The following MKLN1 variants were observed in gnomAD, a reference collection of about 807,000 sequenced individuals.
MKLN1 encodes the protein muskelin 1, also known as muskelin.
A neutral mutation model predicts 99.0 loss-of-function variants in MKLN1; 18 were observed. The ratio of observed to expected loss-of-function variants is 0.18; its 90% CI spans 0.13 to 0.27. The LOEUF is 0.27. MKLN1 is among the 10% of genes least tolerant of loss of function. The pLI is 1.00. For synonymous variants in MKLN1, 288 were observed against 293.2 expected (o/e 0.98, Z 0.18); for missense variants, 621 against 875.9 (o/e 0.71, Z 3.67).
At chr7:131,339,874 A>G (rs973418038) in intron 1 of MKLN1, among the ~76,000 whole-genome samples, 2 of 152,098 alleles carry the variant, frequency 1.3e-5, no homozygotes, top group Non-Finnish European at 2.9e-5. Flanking sequence ...TGGTTTTGTA[A>G]ATGTTAGTAT....
intron 13 of MKLN1, among the ~76,000 whole-genome samples, chr7:131,463,784 G>T (rs373813776): frequency 6.6e-6 from 1 of 152,142 alleles, no homozygotes; most frequent in South Asian, 2.1e-4. Flanking sequence ...CACAGAACTG[G>T]TGCTGCACAT....
intron 3 of MKLN1, among the ~76,000 whole-genome samples, chr7:131,216,512 T>G (rs576297020): frequency 6.6e-6 from 1 of 152,272 alleles, no homozygotes; most frequent in East Asian, 1.9e-4. Context: ...TTAATAACCA[T>G]TGCTTTGTGC....
rs909251138 is a variant in MKLN1, at chr7:131,275,365, GT to G, written c.-179+72412del. 5.7e-3 allele frequency among the ~76,000 whole-genome samples: 601 copies of G among 105,174 alleles called. 1 individual carries two copies. Among genetic ancestry groups the G allele is most frequent in the African/African-American group, 0.015 (387 of 26,686 alleles). 69.0% of individuals were successfully genotyped at this position (105,174 alleles called of 152,430 possible). A position where few individuals can be genotyped will look rare whatever the true frequency, so the allele number is the denominator to read the frequency against. ...AGTTTTTTTGTTGTCGTTGTTGTTG[GT>G]TTTTTTTTTTTTTTTTTTTTGAGAC... On this transcript the variant is annotated intron_variant, in intron 3 of 7. Transcript: ENST00000416992.
At chr7:131,270,473 G>A (rs757754899) in intron 3 of MKLN1, among the ~76,000 whole-genome samples, 17 of 152,180 alleles carry the variant, frequency 1.1e-4, no homozygotes, top group Non-Finnish European at 1.6e-4. Flanking sequence ...CACCCGGCTT[G>A]GCCTCCCAAA....
intron 6 of MKLN1, among the ~76,000 whole-genome samples, chr7:131,408,070 T>C (rs1351640510): frequency 6.6e-6 from 1 of 152,102 alleles, no homozygotes; most frequent in Non-Finnish European, 1.5e-5. Context: ...ACCTTCTAGG[T>C]TAAGTATTGT....
At chr7:131,176,751 C>T (rs1215552703) in intron 2 of MKLN1, among the ~76,000 whole-genome samples, 1 of 152,208 alleles carries the variant, frequency 6.6e-6, no homozygotes, top group Non-Finnish European at 1.5e-5. Context: ...ATCCATTTAA[C>T]ATTCTTTTGG....
At chr7:131,465,873 A>G (rs1409949644) in intron 14 of MKLN1, among the ~76,000 whole-genome samples, 2 of 152,110 alleles carry the variant, frequency 1.3e-5, no homozygotes, top group African/African-American at 4.8e-5. Context: ...TGACCTGTTG[A>G]CTGTTAACTT....
At chr7:131,188,097 G>A (rs772496108) in intron 2 of MKLN1, among the ~76,000 whole-genome samples, 20 of 152,098 alleles carry the variant, frequency 1.3e-4, no homozygotes, top group African/African-American at 4.6e-4. Flanking sequence ...ATAGGTTATC[G>A]AATTTTAAAA....
In MKLN1 at chr7:131,330,997, A is replaced by G. The variant is rs143697166; in HGVS notation, c.98+3000A>G. The stretch of plus-strand genomic sequence containing the variant: ...ATAATTAAATACACTTATTTAAATA[A>G]TTCATAAAATTACATATACTCTTAT... On this transcript the variant is annotated intron_variant, in intron 1 of 17. Transcript: ENST00000352689. 2.3e-3 allele frequency among the ~76,000 whole-genome samples: 356 copies of G among 152,310 alleles called. 2 individuals are homozygous for G. Among genetic ancestry groups the G allele is most frequent in the African/African-American group, 8.3e-3 (346 of 41,578 alleles).
chr7:131,314,580 G>A (rs755575428), intron 3 of MKLN1, among the ~76,000 whole-genome samples: 5 of 151,996 alleles, frequency 3.3e-5, no homozygotes, highest in Non-Finnish European at 5.9e-5. Flanking sequence ...CTGCCACCAC[G>A]CCTAGCTAAT....
At chr7:131,229,387 A>G (rs570657474) in intron 3 of MKLN1, among the ~76,000 whole-genome samples, 16 of 151,532 alleles carry the variant, frequency 1.1e-4, no homozygotes, top group Admixed American at 3.3e-4. Context: ...TGAGAGAGTT[A>G]AGCTATTATC....
chr7:131,473,933 GAGGTCAGGAGTTCAA>G (rs1174681819), intron 16 of MKLN1, among the ~76,000 whole-genome samples: 77 of 152,314 alleles, frequency 5.1e-4, no homozygotes, highest in African/African-American at 1.8e-3. Context: ...TGGATCACCT[GAGGTCAGGAGTTCAA>G]GACCAGCCTG....
chr7:131,377,312 G>C (rs1793693383), intron 2 of MKLN1, among the ~76,000 whole-genome samples: 1 of 152,136 alleles, frequency 6.6e-6, no homozygotes, highest in Non-Finnish European at 1.5e-5. Context: ...TATGGAAGTT[G>C]CTGTTGGATC....
chr7:131,481,868 A>G lies in MKLN1; in HGVS notation c.2086+3191A>G, dbSNP rs908325529. Among the ~76,000 whole-genome samples the G allele has an allele frequency of 2.0e-5, 3 of 151,828 alleles. 1 individual carries two copies. Among genetic ancestry groups the G allele is most frequent in the Non-Finnish European group, 2.9e-5 (2 of 67,968 alleles). On this transcript the variant is annotated intron_variant, in intron 17 of 17. Coordinates refer to ENST00000352689, the MANE Select transcript of MKLN1 (RefSeq NM_013255.5). ...ACTTTCTGAATGACTTCCTCCAGAA[A>G]TAATCCAATTTATGTTCATCCCTTA...
At chr7:131,359,164 C>G (rs1383673060) in intron 1 of MKLN1, among the ~76,000 whole-genome samples, 2 of 152,112 alleles carry the variant, frequency 1.3e-5, no homozygotes, top group Admixed American at 1.3e-4. Context: ...CGTAAATTTC[C>G]TTCTAAGCAT....
Position 131,440,419 on chromosome 7 carries a change from C to T in MKLN1, c.1173+2422C>T, listed in dbSNP as rs1443438403. On this transcript the variant is annotated intron_variant, in intron 10 of 17. Coordinates refer to ENST00000352689, the MANE Select transcript of MKLN1 (RefSeq NM_013255.5). ...AGGAGTTCTTGAGCGAGAACATCCA[C>T]CTTCTATAGAAATCCTCTGTGAAGT... 2.0e-5 allele frequency among the ~76,000 whole-genome samples: 3 copies of T among 152,228 alleles called. No homozygotes were observed. The East Asian group carries it at 5.8e-4, about 29-fold the overall frequency.
In MKLN1 at chr7:131,417,560, G is replaced by A. The variant is rs545065155; in HGVS notation, c.847+2850G>A. ...GTACTAACTATACGTGGACATTGAG[G>A]TCGAAAGGATTTCACCAGATTCAGG... On this transcript the variant is annotated intron_variant, in intron 8 of 17. Coordinates refer to ENST00000352689, the MANE Select transcript of MKLN1 (RefSeq NM_013255.5). 2.9e-4 allele frequency among the ~76,000 whole-genome samples: 44 copies of A among 152,308 alleles called. 1 individual carries two copies. The highest frequency in any genetic ancestry group is 1.1e-3 in the African/African-American group (44 of 41,562).
intron 3 of MKLN1, among the ~76,000 whole-genome samples, chr7:131,220,869 C>G (rs1797050355): frequency 6.6e-6 from 1 of 151,954 alleles, no homozygotes; most frequent in South Asian, 2.1e-4. Flanking sequence ...CAAAGTGCAG[C>G]CTGATTAATG....
chr7:131,327,995 C>G lies in MKLN1; in HGVS notation c.96C>G (p.Pro32=), dbSNP rs898255652. Residue 32 remains proline (P), a splice_region_variant and synonymous_variant, in exon 1 of 18, where the codon CCC becomes CCG. Transcript: ENST00000352689. Reference sequence around the variant, plus strand: ...GCTCCTTTTCCTCCACCTACCTTCCCGAGTAAGTGCCGGGCCTTGAGCTCG... The same window carrying G: ...GCTCCTTTTCCTCCACCTACCTTCCGGAGTAAGTGCCGGGCCTTGAGCTCG... ...KWSSFSSTYL[P]ENILVDKPND... is the part of the protein sequence containing the mutation. 4 of 1,613,732 alleles carry G rather than the reference C, an allele frequency of 2.5e-6. No homozygotes were observed. The highest frequency in any genetic ancestry group is 2.5e-6 in the Non-Finnish European group (3 of 1,179,862).
Sources: gnomAD v4.1 joint callset for allele counts (sites outside exome capture counted in the v4.1 genomes callset) on GRCh38, gnomAD v4.1.1 for gene constraint, MANE v1.5 for transcripts, NCBI Gene and HGNC (gene_info 2026-07-23, HGNC 2026-07-21) for gene names.